MICAL1: variants seen among roughly 807,000 people sequenced by gnomAD.
MICAL1 encodes [F-actin]-monooxygenase MICAL1.
Under a neutral mutation model 131.8 loss-of-function variants are expected in MICAL1, and 95 were observed. That is an observed-to-expected ratio of 0.72 (90% CI 0.61 to 0.86). The LOEUF is 0.86. MICAL1 is among the 40% of genes least tolerant of loss of function. The probability of loss-of-function intolerance (pLI) is 0.00; values close to 1 mark genes in which losing one functional copy is unlikely to be tolerated. For synonymous variants in MICAL1, 546 were observed against 554.2 expected, an observed-to-expected ratio of 0.99 and a Z score of 0.21; for missense variants, 1,292 against 1,380.6, an observed-to-expected ratio of 0.94 and a Z score of 1.02.
At chr6:109,458,251 C>G (rs1417983427), upstream of MICAL1, among the ~76,000 whole-genome samples, 1 of 152,130 alleles carries the variant, frequency 6.6e-6, no homozygotes, top group Non-Finnish European at 1.5e-5. Flanking sequence ...TCACATTGGC[C>G]AATTCATATT....
upstream of MICAL1, among the ~76,000 whole-genome samples, chr6:109,457,248 A>G (rs754442585): frequency 6.6e-6 from 1 of 152,194 alleles, no homozygotes; most frequent in Non-Finnish European, 1.5e-5. Flanking sequence ...AAACTAGGGC[A>G]GCCTCTCAGT....
rs1460074414 is a variant in MICAL1 at position 109,448,561 on chromosome 6, C to A, written c.1665-168G>T. 99 of 1,273,950 alleles carry A rather than the reference C, an allele frequency of 7.8e-5. No homozygotes were observed. The Admixed American group carries it at 1.0e-3, about 13-fold the overall frequency. The allele number at this position is 1,273,950 out of a possible 1,614,324, so 78.9% of individuals were successfully genotyped here. A position where few individuals can be genotyped will look rare whatever the true frequency, so the allele number is the denominator to read the frequency against. ...CAGTGCCCAACCCAGTGACACTACT[C>A]CTGGCTTTGGGGGCCTGTGCCATTC... On this transcript the variant is annotated intron_variant, in intron 12 of 24. Coordinates refer to ENST00000358807, the MANE Select transcript of MICAL1 (RefSeq NM_022765.4).
Position 109,448,736 on chromosome 6 carries a change from GGC to G in MICAL1, c.1658_1659del (p.Gly553AlafsTer26), listed in dbSNP as rs1214662055. On this transcript the variant is annotated frameshift_variant, in exon 12 of 25. Coordinates refer to ENST00000358807, the MANE Select transcript of MICAL1 (RefSeq NM_022765.4). LOFTEE classifies it high-confidence loss of function. ...GTGGGTCTGCCAGGGACTCACAGCA[GGC>G]CAGGCTGCAGCCGGTACACCAGGGC... is the stretch of plus-strand genomic sequence containing the variant. Reference protein sequence around the residue: ...LCALVYRLQPGLLEPSELQGL... With the variant: ...LCALVYRLQPXLLEPSELQGL... The G allele has an allele frequency of 6.2e-7, 1 of 1,613,904 alleles. No individual in the cohort carries two copies. The highest frequency in any genetic ancestry group is 1.3e-5 in the African/African-American group (1 of 74,922).
Position 109,454,159 on chromosome 6 carries a change from T to TG in MICAL1, c.37dup (p.His13ProfsTer3). On this transcript the variant is annotated frameshift_variant, in exon 2 of 25. Transcript: ENST00000358807. LOFTEE classifies it high-confidence loss of function. ...CTGGGCCTGCAGGAAGCTCTCAAAGTGGGCATGCGCTGGGTTGGTGGAGGT... is the reference window on the plus strand; with the variant it reads ...CTGGGCCTGCAGGAAGCTCTCAAAGTGGGGCATGCGCTGGGTTGGTGGAGGT... 6.2e-7 allele frequency: 1 copy of TG among 1,610,848 alleles called. No individual in the cohort carries two copies. The highest frequency in any genetic ancestry group is 8.5e-7 in the Non-Finnish European group (1 of 1,178,870).
intron 1 of MICAL1, chr6:109,463,094 C>G (rs1315738940): frequency 6.6e-6 from 1 of 152,290 alleles, no homozygotes; most frequent in African/African-American, 2.4e-5. Flanking sequence ...TCAAGTGATT[C>G]TCCTGTCTCA....
chr6:109,445,535 G>A lies in MICAL1; in HGVS notation c.2674-6C>T. ...TTGGCAAAGGTCTGCAGGGCCTATAGGAGGGTCAGGCCAGTCAGGGATAGG... is the reference window on the plus strand; with the variant it reads ...TTGGCAAAGGTCTGCAGGGCCTATAAGAGGGTCAGGCCAGTCAGGGATAGG... On this transcript the variant is annotated splice_region_variant and splice_polypyrimidine_tract_variant and intron_variant, in intron 20 of 24. Transcript: ENST00000358807. 1 of 1,613,950 alleles carries A rather than the reference G, an allele frequency of 6.2e-7. No homozygotes were observed. The highest frequency in any genetic ancestry group is 1.1e-5 in the South Asian group (1 of 91,070).
chr6:109,452,739 AT>A, intron 4 of MICAL1, 124 bp from the exon 5 acceptor site: 1 of 690,190 alleles, frequency 1.4e-6, no homozygotes. Flanking sequence ...GCAATGATAT[AT>A]TATCTATCAG....
chr6:109,445,462 A>G lies in MICAL1; in HGVS notation c.2741T>C (p.Leu914Pro). 6.2e-7 allele frequency: 1 copy of G among 1,614,126 alleles called. No homozygotes were observed. The highest frequency in any genetic ancestry group is 2.2e-5 in the East Asian group (1 of 44,884). Residue 914 changes from leucine (L) to proline (P), a missense_variant, in exon 21 of 25, where the codon CTG (leucine) becomes CCG (proline). Leu to Pro is a moderately conservative substitution (Grantham distance 98, BLOSUM62 -3). Transcript: ENST00000358807. ...CATCTCCTCCTCCTTCGCACGGCGC[A>G]GCAGAGTCCGACGCCATGTTGGGTA... ...NNYPTWRRTL[L>P]RRAKEEEMKR... is the part of the protein sequence containing the mutation.
chr6:109,461,613 T>C (rs996285774), intron 1 of MICAL1, among the ~76,000 whole-genome samples: 4 of 152,104 alleles, frequency 2.6e-5, no homozygotes, highest in Non-Finnish European at 4.4e-5. Flanking sequence ...ATTCCAGACA[T>C]AGACCCTCAA....
chr6:109,446,049 CT>C, intron 19 of MICAL1, 86 bp downstream of exon 19: 8 of 1,490,648 alleles, frequency 5.4e-6, no homozygotes, highest in Non-Finnish European at 7.1e-6. Flanking sequence ...CACAACTTCC[CT>C]CTGTATTCCC....
Position 109,453,287 on chromosome 6 carries a change from C to G in MICAL1, c.547G>C (p.Gly183Arg). Residue 183 changes from glycine to arginine, a missense_variant, in exon 4 of 25, where the codon GGC becomes CGC. Gly to Arg is a moderately radical substitution (Grantham distance 125). Transcript: ENST00000358807. Reference sequence around the variant, plus strand: ...CCCTTCCTAGGAGGGGGCTGGAGGCCAGTGAAAGTGACACCCCAGTGAATT... The same window carrying G: ...CCCTTCCTAGGAGGGGGCTGGAGGCGAGTGAAAGTGACACCCCAGTGAATT... The part of the protein sequence containing the change: ...VEIHWGVTFT[G>R]LQPPPRKGSG... The G allele has an allele frequency of 6.2e-7, 1 of 1,613,992 alleles. No individual in the cohort carries two copies. Among genetic ancestry groups the G allele is most frequent in the Non-Finnish European group, 8.5e-7 (1 of 1,179,942 alleles).
intron 10 of MICAL1, 45 bp downstream of exon 10, chr6:109,449,612 A>G (rs758560346): frequency 6.3e-7 from 1 of 1,591,760 alleles, no homozygotes; most frequent in South Asian, 1.1e-5. Context: ...ACCTGGGGGA[A>G]GGGGGTTGGC....
chr6:109,447,855 G>T lies in MICAL1; in HGVS notation c.1944+20C>A. 6.2e-7 allele frequency: 1 copy of T among 1,612,816 alleles called. No homozygotes were observed. Among genetic ancestry groups the T allele is most frequent in the Non-Finnish European group, 8.5e-7 (1 of 1,179,182 alleles). ...GCCCACTCCTCCCTGCTCAGCTCCA[G>T]CCCTGCCTAAACTCTCCACCTTGGC... On this transcript the variant is annotated intron_variant, in intron 14 of 24. Transcript: ENST00000358807.
In MICAL1 at chr6:109,449,690, G is replaced by C; in HGVS notation, c.1401C>G (p.Pro467=). 6.3e-7 allele frequency: 1 copy of C among 1,586,344 alleles called. No homozygotes were observed. Among genetic ancestry groups the C allele is most frequent in the African/African-American group, 1.3e-5 (1 of 74,536 alleles). The stretch of plus-strand genomic sequence containing the variant: ...GGGTCACTGCCCGGAGGTTCAGGTT[G>C]GGGTAGCGGGTGGCTGGGTCCAGCC... ...QYGLDPATRY[P]NLNLRAVTPN... is the part of the protein sequence containing the mutation. The change falls in exon 10 of 25, where the codon CCC becomes CCG. Residue 467 remains proline, a synonymous_variant. Coordinates refer to ENST00000358807, the MANE Select transcript of MICAL1 (RefSeq NM_022765.4).
At position 109,453,281 on chromosome 6, in the gene MICAL1, G is replaced by C; in HGVS notation, c.553C>G (p.Gln185Glu). The change falls in exon 4 of 25, where the codon CAG (glutamine) becomes GAG (glutamate). Residue 185 changes from glutamine to glutamate, a missense_variant. Physicochemically the swap from Gln to Glu is conservative, Grantham distance 29 (BLOSUM62 2). Transcript: ENST00000358807. ...TACTTACCCTTCCTAGGAGGGGGCTGGAGGCCAGTGAAAGTGACACCCCAG... is the reference window on the plus strand; with the variant it reads ...TACTTACCCTTCCTAGGAGGGGGCTCGAGGCCAGTGAAAGTGACACCCCAG... Reference protein sequence around the residue: ...IHWGVTFTGLQPPPRKGSGWR... With the variant: ...IHWGVTFTGLEPPPRKGSGWR... 1 of 1,613,910 alleles carries C rather than the reference G, an allele frequency of 6.2e-7. No homozygotes were observed. The highest frequency in any genetic ancestry group is 8.5e-7 in the Non-Finnish European group (1 of 1,179,862).
chr6:109,454,912 C>T (rs553010900), intron 1 of MICAL1: 1 of 152,484 alleles, frequency 6.6e-6, no homozygotes, highest in Non-Finnish European at 1.5e-5. Context: ...AGGCCTGGGT[C>T]TATTTCTGAC....
chr6:109,460,189 TTG>T (rs1211916060), upstream of MICAL1, among the ~76,000 whole-genome samples: 1 of 152,110 alleles, frequency 6.6e-6, no homozygotes, highest in Non-Finnish European at 1.5e-5. Flanking sequence ...GTACAGTGGC[TTG>T]TGTCTATAAT....
At chr6:109,450,682 T>G in intron 7 of MICAL1, 125 bp from the exon 8 acceptor site, 1 of 1,064,814 alleles carries the variant, frequency 9.4e-7, no homozygotes, top group East Asian at 2.6e-5. Flanking sequence ...TGCCCTAGAC[T>G]ACACAGCAGT....
chr6:109,452,294 C>T lies in MICAL1; in HGVS notation c.784G>A (p.Ala262Thr). Reference sequence around the variant, plus strand: ...AAGAAGCTCTGGTTGTAGATCCTGGCTACACCACTGATCTCCGGCACCTGT... The same window carrying T: ...AAGAAGCTCTGGTTGTAGATCCTGGTTACACCACTGATCTCCGGCACCTGT... ...ETQVPEISGV[A>T]RIYNQSFFQS... The change falls in exon 6 of 25, where the codon GCC becomes ACC. Residue 262 changes from alanine (A) to threonine (T), a missense_variant. Ala to Thr is a moderately conservative substitution (Grantham distance 58). Transcript: ENST00000358807. 6.2e-7 allele frequency: 1 copy of T among 1,614,166 alleles called. No homozygotes were observed. Among genetic ancestry groups the T allele is most frequent in the Non-Finnish European group, 8.5e-7 (1 of 1,180,028 alleles).
Sources: gnomAD v4.1 joint callset for allele counts (sites outside exome capture counted in the v4.1 genomes callset) on GRCh38, gnomAD v4.1.1 for gene constraint, MANE v1.5 for transcripts, NCBI Gene and HGNC (gene_info 2026-07-23, HGNC 2026-07-21) for gene names.